Variants in KAZN observed in about 807,000 individuals in gnomAD.
KAZN encodes kazrin.
Under a neutral mutation model 87.4 loss-of-function variants are expected in KAZN, and 40 were observed. That is an observed-to-expected ratio of 0.46 (90% CI 0.36 to 0.60). The LOEUF (loss-of-function observed/expected upper bound fraction) is 0.60, where lower values mean the gene tolerates loss of function less well. Ranked by LOEUF, KAZN falls within the 20% of genes least tolerant of loss-of-function variation. KAZN has a pLI of 0.00. For missense variants in KAZN, 898 were observed against 1,073.9 expected (o/e 0.84, Z 2.29); for synonymous variants, 466 against 458.3 (o/e 1.02, Z -0.22).
At chr1:14,700,733 GA>G (rs1641876481) in intron 1 of KAZN, among the ~76,000 whole-genome samples, 5 of 152,120 alleles carry the variant, frequency 3.3e-5, no homozygotes, top group African/African-American at 1.2e-4. Context: ...CCAGGACACA[GA>G]AAAGACTCTG....
intron 2 of KAZN, among the ~76,000 whole-genome samples, chr1:15,030,001 G>A (rs554077559): frequency 1.3e-5 from 2 of 152,268 alleles, no homozygotes; most frequent in Non-Finnish European, 1.5e-5. Context: ...TCTCCAGCCC[G>A]CCAGCATGAA....
chr1:15,091,073 T>C (rs1053753461), intron 8 of KAZN, among the ~76,000 whole-genome samples: 1 of 152,044 alleles, frequency 6.6e-6, no homozygotes, highest in Non-Finnish European at 1.5e-5. Context: ...TGCAGAAAAC[T>C]TGGGAGACAG....
At chr1:14,715,951 A>G (rs1302566626) in intron 1 of KAZN, among the ~76,000 whole-genome samples, 1 of 152,216 alleles carries the variant, frequency 6.6e-6, no homozygotes, top group Non-Finnish European at 1.5e-5. Context: ...GATGGGGGTG[A>G]AAGCGGTGCA....
At chr1:14,898,376 T>G (rs1655490570) in intron 1 of KAZN, among the ~76,000 whole-genome samples, 1 of 152,170 alleles carries the variant, frequency 6.6e-6, no homozygotes, top group Non-Finnish European at 1.5e-5. Flanking sequence ...AGCAGAAATG[T>G]GGTCCTTTCT....
At chr1:14,772,309 C>T (rs898464270) in intron 1 of KAZN, among the ~76,000 whole-genome samples, 2 of 152,010 alleles carry the variant, frequency 1.3e-5, no homozygotes, top group African/African-American at 4.8e-5. Flanking sequence ...ATAGTAAGAC[C>T]CCTGTCTCTA....
At chr1:14,061,841 G>C (rs186644877) in intron 1 of KAZN, among the ~76,000 whole-genome samples, 2 of 152,290 alleles carry the variant, frequency 1.3e-5, no homozygotes, top group African/African-American at 2.4e-5. Flanking sequence ...GGGTGTGAGA[G>C]TTGCGGACAC....
chr1:14,355,790 A>G (rs949408110), intron 2 of KAZN, among the ~76,000 whole-genome samples: 1 of 152,162 alleles, frequency 6.6e-6, no homozygotes, highest in Non-Finnish European at 1.5e-5. Context: ...ATAGTATTCC[A>G]TGGTGTATAT....
At chr1:14,500,112 G>C (rs1032544822) in intron 2 of KAZN, among the ~76,000 whole-genome samples, 2 of 152,114 alleles carry the variant, frequency 1.3e-5, no homozygotes, top group African/African-American at 4.8e-5. Context: ...GAAAGAGAAG[G>C]CCACAAAGGC....
At chr1:14,703,480 C>A (rs1023145143) in intron 1 of KAZN, among the ~76,000 whole-genome samples, 3 of 152,254 alleles carry the variant, frequency 2.0e-5, no homozygotes, top group African/African-American at 7.2e-5. Context: ...TGAAGAAGGA[C>A]ATGTTTGCTT....
intron 2 of KAZN, among the ~76,000 whole-genome samples, chr1:14,429,461 A>T (rs1489328576): frequency 6.6e-6 from 1 of 152,168 alleles, no homozygotes; most frequent in Non-Finnish European, 1.5e-5. Flanking sequence ...CTATTCTCTG[A>T]AGGTTTGGCT....
In KAZN at chr1:14,022,485, C is replaced by CAAAAAA. The variant is rs58713618; in HGVS notation, c.91+128753_91+128758dup. On this transcript the variant is annotated intron_variant, in intron 1 of 16. Coordinates refer to the KAZN transcript ENST00000636203. ...CATTATAGCTTTCACGTATTTAAAG[C>CAAAAAA]AAAAAAAAAAAAAAAAAAAAAAAAA... Among the ~76,000 whole-genome samples the CAAAAAA allele has an allele frequency of 6.0e-3, 665 of 110,122 alleles. 4 individuals carry two copies. Among genetic ancestry groups the CAAAAAA allele is most frequent in the African/African-American group, 0.011 (345 of 30,402 alleles). 72.2% of individuals were successfully genotyped at this position (110,122 alleles called of 152,430 possible).
At chr1:14,412,614 AGAG>A (rs1192785385) in intron 2 of KAZN, among the ~76,000 whole-genome samples, 1 of 152,170 alleles carries the variant, frequency 6.6e-6, no homozygotes, top group African/African-American at 2.4e-5. Context: ...ACATAAAAGA[AGAG>A]GAAAAAATCT....
intron 8 of KAZN, 163 bp downstream of exon 8, chr1:15,065,916 C>T: frequency 4.8e-6 from 7 of 1,451,336 alleles, no homozygotes; most frequent in Non-Finnish European, 6.3e-6. Flanking sequence ...TGCGCTGGCA[C>T]ACATGGGTGC....
chr1:14,176,077 A>G (rs1395879849), intron 1 of KAZN, among the ~76,000 whole-genome samples: 1 of 152,208 alleles, frequency 6.6e-6, no homozygotes, highest in African/African-American at 2.4e-5. Flanking sequence ...AATGGAACTC[A>G]ATTTAGATCT....
At chr1:14,289,274 A>G (rs545170596) in intron 2 of KAZN, among the ~76,000 whole-genome samples, 2 of 152,296 alleles carry the variant, frequency 1.3e-5, no homozygotes, top group South Asian at 4.1e-4. Flanking sequence ...TAATATTGAC[A>G]ATGGGGTGTT....
intron 2 of KAZN, among the ~76,000 whole-genome samples, chr1:14,448,321 C>T (rs1003309878): frequency 4.6e-5 from 7 of 152,188 alleles, no homozygotes; most frequent in African/African-American, 1.7e-4. Flanking sequence ...ACAGTGCCAT[C>T]GTCACAGCTA....
intron 1 of KAZN, among the ~76,000 whole-genome samples, chr1:14,145,542 T>C (rs1461153389): frequency 6.6e-6 from 1 of 152,188 alleles, no homozygotes; most frequent in Non-Finnish European, 1.5e-5. Context: ...ATAAACATAA[T>C]TAACTTTGCT....
At chr1:14,123,716 C>G (rs1395502389) in intron 1 of KAZN, among the ~76,000 whole-genome samples, 3 of 152,212 alleles carry the variant, frequency 2.0e-5, no homozygotes, top group Non-Finnish European at 4.4e-5. Flanking sequence ...CCTGGCTATT[C>G]TATTTCTCTG....
At chr1:14,266,674 C>T (rs909062702) in intron 2 of KAZN, among the ~76,000 whole-genome samples, 11 of 152,110 alleles carry the variant, frequency 7.2e-5, no homozygotes, top group Non-Finnish European at 1.3e-4. Flanking sequence ...GGGGACCAGT[C>T]GTGAATGGGA....
Sources: gnomAD v4.1 joint callset for allele counts (sites outside exome capture counted in the v4.1 genomes callset) on GRCh38, gnomAD v4.1.1 for gene constraint, MANE v1.5 for transcripts, NCBI Gene and HGNC (gene_info 2026-07-23, HGNC 2026-07-21) for gene names.